Variants in SLIT2 observed in about 807,000 individuals in gnomAD.
SLIT2 encodes the protein slit guidance ligand 2.
A neutral mutation model predicts 185.7 loss-of-function variants in SLIT2; 41 were observed. The observed-to-expected ratio is 0.22, with a 90% CI of 0.17 to 0.29. The LOEUF (loss-of-function observed/expected upper bound fraction) is 0.29. Ranked by LOEUF, SLIT2 falls within the 10% of genes least tolerant of loss-of-function variation. SLIT2 has a pLI of 1.00. For missense variants in SLIT2, 1,571 were observed against 1,909.0 expected (o/e 0.82, Z 3.30); for synonymous variants, 693 against 680.2 (o/e 1.02, Z -0.29).
intron 4 of SLIT2, among the ~76,000 whole-genome samples, chr4:20,347,813 G>T (rs564389011): frequency 6.6e-6 from 1 of 152,310 alleles, no homozygotes; most frequent in South Asian, 2.1e-4. Context: ...AGGGTGAAAT[G>T]AAGAGAAGTA....
At chr4:20,471,923 T>A (rs1715077742) in intron 5 of SLIT2, among the ~76,000 whole-genome samples, 2 of 152,014 alleles carry the variant, frequency 1.3e-5, no homozygotes, top group South Asian at 4.2e-4. Context: ...TCGATTAAAT[T>A]TTTTTACATT....
intron 22 of SLIT2, among the ~76,000 whole-genome samples, chr4:20,547,706 T>C (rs1035796576): frequency 2.0e-5 from 3 of 150,136 alleles, no homozygotes; most frequent in African/African-American, 4.9e-5. Flanking sequence ...ACATATTGTA[T>C]ATATATTTTA....
intron 4 of SLIT2, among the ~76,000 whole-genome samples, chr4:20,423,357 C>T (rs1368264955): frequency 1.3e-5 from 2 of 150,252 alleles, no homozygotes; most frequent in Non-Finnish European, 3.0e-5. Flanking sequence ...ACATTTTCTG[C>T]AACATCCCCG....
rs548329336 is a variant in SLIT2 at position 20,252,689 on chromosome 4, G to A, written c.-1127G>A. ...TGCGGCTTATCTGGGAGACGAGCGG[G>A]GTTGACACGCGCGCACACACTACTG... is the stretch of plus-strand genomic sequence containing the variant. On this transcript the variant is annotated 5_prime_UTR_variant, in exon 1 of 37. Transcript: ENST00000504154. 5.9e-5 allele frequency among the ~76,000 whole-genome samples: 9 copies of A among 152,328 alleles called. No individual in the cohort carries two copies. The highest frequency in any genetic ancestry group is 3.3e-4 in the Admixed American group (5 of 15,308).
intron 4 of SLIT2, among the ~76,000 whole-genome samples, chr4:20,400,684 A>T (rs1245016488): frequency 6.6e-6 from 1 of 151,780 alleles, no homozygotes; most frequent in Non-Finnish European, 1.5e-5. Context: ...ATGGAATAAC[A>T]AAGAAAAGCG....
intron 4 of SLIT2, among the ~76,000 whole-genome samples, chr4:20,383,791 C>A (rs2109348413): frequency 6.6e-6 from 1 of 152,224 alleles, no homozygotes; most frequent in East Asian, 1.9e-4. Flanking sequence ...CAATCTCCAT[C>A]TCCCGGATTC....
intron 4 of SLIT2, among the ~76,000 whole-genome samples, chr4:20,455,974 C>A (rs1176036631): frequency 6.6e-6 from 1 of 151,958 alleles, no homozygotes; most frequent in African/African-American, 2.4e-5. Context: ...TAGTTGAAGT[C>A]TGTAAATTCT....
chr4:20,466,881 T>C (rs1370631622), intron 4 of SLIT2, among the ~76,000 whole-genome samples: 1 of 152,198 alleles, frequency 6.6e-6, no homozygotes, highest in African/African-American at 2.4e-5. Flanking sequence ...TACTATGTGG[T>C]AATATTACTT....
At chr4:20,454,422 G>C (rs564773785) in intron 4 of SLIT2, among the ~76,000 whole-genome samples, 51 of 152,108 alleles carry the variant, frequency 3.4e-4, no homozygotes, top group African/African-American at 1.2e-3. Flanking sequence ...ATCAAATTAG[G>C]AATTTAATCT....
At position 20,472,327 on chromosome 4, in the gene SLIT2, T is replaced by G. The variant is rs1245125845; in HGVS notation, c.467+4504T>G. Among the ~76,000 whole-genome samples the G allele has an allele frequency of 8.3e-4, 67 of 80,686 alleles. 3 individuals carry two copies. In the East Asian group the frequency reaches 0.012, roughly 14 times the overall value. 52.9% of individuals were successfully genotyped at this position (80,686 alleles called of 152,430 possible). On this transcript the variant is annotated intron_variant, in intron 5 of 36. Coordinates refer to ENST00000504154, the MANE Select transcript of SLIT2 (RefSeq NM_004787.4). ...AGATCTATATATAGATATATATATC[T>G]ATATATAGATCTATATATAGATATA... is the stretch of plus-strand genomic sequence containing the variant.
rs1472084224 is a variant in SLIT2 at position 20,373,543 on chromosome 4, CAGTATG to C, written c.396-94208_396-94203del. ...ATATTAAATATATATAAATTACACA[CAGTATG>C]TGTGTGTTATTAATATGCACATGTA... On this transcript the variant is annotated intron_variant, in intron 4 of 36. Coordinates refer to ENST00000504154, the MANE Select transcript of SLIT2 (RefSeq NM_004787.4). Among the ~76,000 whole-genome samples, 5 of 151,768 alleles carry C rather than the reference CAGTATG, an allele frequency of 3.3e-5. No individual in the cohort carries two copies. In the East Asian group the frequency reaches 7.8e-4, roughly 24 times the overall value.
At position 20,553,819 on chromosome 4, in the gene SLIT2, A is replaced by C. The variant is rs750020056; in HGVS notation, c.2576A>C (p.Asn859Thr). The change falls in exon 26 of 37, where the codon AAC (asparagine) becomes ACC (threonine). Residue 859 changes from asparagine (N) to threonine (T), a missense_variant. By Grantham distance (65) the Asn-to-Thr change is moderately conservative (BLOSUM62 0). This residue lies in a region of SLIT2 where 1,202 missense variants were observed against 1,416.4 expected (regional missense o/e 0.85). Coordinates refer to ENST00000504154, the MANE Select transcript of SLIT2 (RefSeq NM_004787.4). Reference protein sequence around the residue: ...SALSHLAIGANPLYCDCNMQW... With the variant: ...SALSHLAIGATPLYCDCNMQW... ...TGTTTTTCCAGAGCAATTGGAGCCA[A>C]CCCTCTTTACTGTGATTGTAACATG... is the stretch of plus-strand genomic sequence containing the variant. 1 of 1,579,230 alleles carries C rather than the reference A, an allele frequency of 6.3e-7. No homozygotes were observed. The highest frequency in any genetic ancestry group is 1.4e-5 in the African/African-American group (1 of 72,960).
intron 26 of SLIT2, among the ~76,000 whole-genome samples, chr4:20,564,970 T>A (rs1221397642): frequency 6.6e-6 from 1 of 151,954 alleles, no homozygotes; most frequent in Non-Finnish European, 1.5e-5. Context: ...ATTAAATAAA[T>A]CCCCACTACG....
At chr4:20,460,177 T>C (rs1713545274) in intron 4 of SLIT2, among the ~76,000 whole-genome samples, 1 of 151,068 alleles carries the variant, frequency 6.6e-6, no homozygotes, top group Non-Finnish European at 1.5e-5. Context: ...ATATTTTTTC[T>C]TTTTTTTTCC....
intron 9 of SLIT2, among the ~76,000 whole-genome samples, chr4:20,499,947 A>T (rs1489492283): frequency 6.6e-6 from 1 of 152,004 alleles, no homozygotes; most frequent in Non-Finnish European, 1.5e-5. Flanking sequence ...TCAGCAGAAT[A>T]TCTATCATGC....
chr4:20,602,217 C>T (rs769892064), intron 33 of SLIT2, among the ~76,000 whole-genome samples: 12 of 152,066 alleles, frequency 7.9e-5, no homozygotes, highest in Non-Finnish European at 1.6e-4. Flanking sequence ...TAAGGGGAAA[C>T]ATTTTTTACA....
chr4:20,287,184 T>C lies in SLIT2; in HGVS notation c.395+18303T>C, dbSNP rs543994793. ...CAAGGAAGCTAGCTACTCTTGAGCC[T>C]ATGGACATGCCTCTGATATTTCTTC... On this transcript the variant is annotated intron_variant, in intron 4 of 36. Transcript: ENST00000504154. Among the ~76,000 whole-genome samples the C allele has an allele frequency of 3.0e-3, 454 of 152,312 alleles. 2 individuals are homozygous for C. Among genetic ancestry groups the C allele is most frequent in the African/African-American group, 9.7e-3 (405 of 41,564 alleles).
chr4:20,277,220 T>A (rs1714254493), intron 4 of SLIT2, among the ~76,000 whole-genome samples: 1 of 152,188 alleles, frequency 6.6e-6, no homozygotes, highest in South Asian at 2.1e-4. Context: ...AAAAAAAACT[T>A]GTGAAATTCT....
chr4:20,554,482 C>A, intron 26 of SLIT2: 1 of 306,510 alleles, frequency 3.3e-6, no homozygotes. Context: ...ATTTGTGAAT[C>A]TAAATATTGT....
Sources: allele counts gnomAD v4.1 joint callset (sites outside exome capture counted in the v4.1 genomes callset), GRCh38; gene constraint gnomAD v4.1.1; regional missense constraint gnomAD v4.1.1; transcripts MANE v1.5; gene names NCBI Gene and HGNC (gene_info 2026-07-23, HGNC 2026-07-21).